NEMF: variants seen among roughly 807,000 people sequenced by gnomAD.
NEMF encodes nuclear export mediator factor.
NEMF carries 89 observed loss-of-function variants against 162.2 expected under a neutral mutation model. The ratio of observed to expected loss-of-function variants is 0.55; its 90% CI spans 0.46 to 0.65. The LOEUF is 0.65. Among genes scored for constraint, NEMF ranks in the 30% least tolerant of loss-of-function variants. The pLI is 0.00. For missense variants in NEMF, 1,133 were observed against 1,261.9 expected (o/e 0.90, Z 1.55); for synonymous variants, 421 against 404.5 (o/e 1.04, Z -0.49).
chr14:49,838,160 T>C lies in NEMF; in HGVS notation c.553A>G (p.Arg185Gly). The change falls in exon 6 of 33, where the codon AGG becomes GGG. Residue 185 changes from arginine to glycine, a missense_variant. This residue lies in a region of NEMF where 582 missense variants were observed against 631.5 expected (regional missense o/e 0.92). Coordinates refer to ENST00000298310, the MANE Select transcript of NEMF (RefSeq NM_004713.6). ...ASAPKGELLK[R>G]VLNPLLPYGP... Reference sequence around the variant, plus strand: ...TCACGAAGTAATGGGTTAAGCACCCTCTTCAGTAGTTCACCCTTAGGTGCG... The same window carrying C: ...TCACGAAGTAATGGGTTAAGCACCCCCTTCAGTAGTTCACCCTTAGGTGCG... 1 of 1,613,908 alleles carries C rather than the reference T, an allele frequency of 6.2e-7. No homozygotes were observed. Among genetic ancestry groups the C allele is most frequent in the Non-Finnish European group, 8.5e-7 (1 of 1,179,792 alleles).
chr14:49,783,042 T>C lies in NEMF; in HGVS notation c.*1594A>G, dbSNP rs772813838. The C allele has an allele frequency of 4.4e-6, 6 of 1,370,020 alleles. No individual in the cohort carries two copies. The highest frequency in any genetic ancestry group is 2.4e-5 in the East Asian group (1 of 41,962). 84.9% of individuals were successfully genotyped at this position (1,370,020 alleles called of 1,614,324 possible). On this transcript the variant is annotated 3_prime_UTR_variant, in exon 33 of 33. Coordinates refer to ENST00000298310, the MANE Select transcript of NEMF (RefSeq NM_004713.6). ...GGCATCATTTGTATAATTATATGCA[T>C]TGTTGTAGTTTGCACCTGTTGGTTT... is the stretch of plus-strand genomic sequence containing the variant.
rs749341570 is a variant in NEMF at position 49,829,410 on chromosome 14, T to C, written c.962A>G (p.Lys321Arg). The C allele has an allele frequency of 1.2e-6, 2 of 1,613,854 alleles. No individual in the cohort carries two copies. The highest frequency in any genetic ancestry group is 3.3e-5 in the Admixed American group (2 of 60,026). The change falls in exon 12 of 33, where the codon AAG (lysine) becomes AGG (arginine). Residue 321 changes from lysine (K) to arginine (R), a missense_variant. By Grantham distance (26) the Lys-to-Arg change is conservative (BLOSUM62 2). Around this residue, in one of 3 missense-constraint regions of NEMF, gnomAD observed 582 missense variants for 631.5 expected, o/e 0.92. Coordinates refer to ENST00000298310, the MANE Select transcript of NEMF (RefSeq NM_004713.6). ...ATCCTTTCGAACATTATCTAATTTC[T>C]TCAATGCTTGCTTTTCCTTTTATTG... The part of the protein sequence containing the change: ...KALQQEKQAL[K>R]KLDNVRKDHE...
chr14:49,830,495 A>C (rs2139971505), intron 11 of NEMF, among the ~76,000 whole-genome samples: 1 of 152,264 alleles, frequency 6.6e-6, no homozygotes, highest in Non-Finnish European at 1.5e-5. Flanking sequence ...CCAGGGTCAA[A>C]CAATTTTTGT....
chr14:49,799,382 C>A, intron 25 of NEMF, 93 bp downstream of exon 25: 1 of 1,061,954 alleles, frequency 9.4e-7, no homozygotes, highest in African/African-American at 1.6e-5. Flanking sequence ...TGAAGGAAGT[C>A]TTTAAACAGC....
At chr14:49,804,831 G>A (rs1891116738) in intron 19 of NEMF, among the ~76,000 whole-genome samples, 1 of 152,128 alleles carries the variant, frequency 6.6e-6, no homozygotes, top group South Asian at 2.1e-4. Flanking sequence ...AGGAGTTTGA[G>A]ACTGGCCTGG....
At position 49,784,112 on chromosome 14, in the gene NEMF, T is replaced by C. The variant is rs1160795220; in HGVS notation, c.*524A>G. 6.6e-6 allele frequency: 1 copy of C among 151,502 alleles called. No homozygotes were observed. The highest frequency in any genetic ancestry group is 1.5e-5 in the Non-Finnish European group (1 of 68,038). 9.4% of individuals were successfully genotyped at this position (151,502 alleles called of 1,614,324 possible). A position where few individuals can be genotyped will look rare whatever the true frequency, so the allele number is the denominator to read the frequency against. On this transcript the variant is annotated 3_prime_UTR_variant, in exon 33 of 33. Coordinates refer to ENST00000298310, the MANE Select transcript of NEMF (RefSeq NM_004713.6). ...AAAATGTAGAATAACTACAGATGTA[T>C]ATAATTAGCATTTAACTGTCCACAA...
intron 16 of NEMF, among the ~76,000 whole-genome samples, chr14:49,816,792 T>G (rs145796224): frequency 2.6e-5 from 4 of 152,210 alleles, no homozygotes. Flanking sequence ...CCCCTACTGA[T>G]AGTAAAGAGG....
chr14:49,811,426 AT>A (rs61609685), intron 18 of NEMF, among the ~76,000 whole-genome samples: 147,748 of 151,962 alleles, frequency 0.97, 71,980 homozygotes, highest in East Asian at 1. Context: ...CCTAATTTGG[AT>A]TTTTTTTTCT....
intron 6 of NEMF, 141 bp downstream of exon 6, chr14:49,837,996 TTC>T (rs1311119835): frequency 1.8e-6 from 1 of 550,056 alleles, no homozygotes; most frequent in Non-Finnish European, 3.1e-6. Context: ...GTGGTTTAAC[TTC>T]TCTTTCTTTG....
chr14:49,829,210 T>C lies in NEMF; in HGVS notation c.1076A>G (p.Asp359Gly). 1 of 1,614,206 alleles carries C rather than the reference T, an allele frequency of 6.2e-7. No homozygotes were observed. Among genetic ancestry groups the C allele is most frequent in the Non-Finnish European group, 8.5e-7 (1 of 1,180,034 alleles). The change falls in exon 13 of 33, where the codon GAC (aspartate) becomes GGC (glycine). Residue 359 changes from aspartate (D) to glycine (G), a missense_variant. Coordinates refer to ENST00000298310, the MANE Select transcript of NEMF (RefSeq NM_004713.6). ...ELIEMNLQIV[D>G]RAIQVVRSAL... ...ACTTCGAACTACCTGAATGGCTCTG[T>C]CAACTATTTGTAGGTTCATTTCTAT...
At chr14:49,851,240 A>T (rs1022417163) in intron 3 of NEMF, among the ~76,000 whole-genome samples, 1 of 152,164 alleles carries the variant, frequency 6.6e-6, no homozygotes, top group Non-Finnish European at 1.5e-5. Context: ...AAAAACAAAA[A>T]AATTAACGTT....
intron 4 of NEMF, among the ~76,000 whole-genome samples, chr14:49,843,699 A>G (rs551430798): frequency 9.1e-4 from 138 of 152,352 alleles, no homozygotes; most frequent in African/African-American, 2.9e-3. Flanking sequence ...AGGAATCTGT[A>G]TAGCATGTTA....
Position 49,784,595 on chromosome 14 carries a change from TA to T in NEMF, c.*40del. On this transcript the variant is annotated 3_prime_UTR_variant, in exon 33 of 33. Transcript: ENST00000298310. ...TCATCTTTGAACTTCCAAAAGGCTA[TA>T]AAATTGGCTCTTCTCAAATATTTTA... is the stretch of plus-strand genomic sequence containing the variant. 2 of 1,418,850 alleles carry T rather than the reference TA, an allele frequency of 1.4e-6. No homozygotes were observed. The highest frequency in any genetic ancestry group is 2.0e-6 in the Non-Finnish European group (2 of 1,011,710). The allele number at this position is 1,418,850 out of a possible 1,614,324, so 87.9% of individuals were successfully genotyped here. A position where few individuals can be genotyped will look rare whatever the true frequency, so the allele number is the denominator to read the frequency against.
intron 23 of NEMF, 24 bp downstream of exon 23, chr14:49,800,396 T>A (rs752391694): frequency 1.3e-6 from 2 of 1,523,968 alleles, no homozygotes; most frequent in Non-Finnish European, 1.8e-6. Flanking sequence ...CACAATAATA[T>A]GTAAAATTTT....
Position 49,806,116 on chromosome 14 carries a change from G to A in NEMF, c.1762C>T (p.Arg588Trp), listed in dbSNP as rs1891174987. Reference protein sequence around the residue: ...KNPTGEPIPPRTLTEAGTMAL... With the variant: ...KNPTGEPIPPWTLTEAGTMAL... ...ATTGTGCCAGCTTCAGTCAAGGTCC[G>A]TGGGGGGATGGGTTCTCCTAGAATA... is the stretch of plus-strand genomic sequence containing the variant. The change falls in exon 19 of 33, where the codon CGG becomes TGG. Residue 588 changes from arginine to tryptophan, a missense_variant. By Grantham distance (101) the Arg-to-Trp change is moderately radical. Coordinates refer to ENST00000298310, the MANE Select transcript of NEMF (RefSeq NM_004713.6). 7 of 1,611,376 alleles carry A rather than the reference G, an allele frequency of 4.3e-6. No homozygotes were observed. The highest frequency in any genetic ancestry group is 1.1e-5 in the South Asian group (1 of 90,956).
Position 49,784,515 on chromosome 14 carries a change from GC to G in NEMF, c.*120del, listed in dbSNP as rs558158053. ...GAAGTAAGTCCTTTTGGTGAATATA[GC>G]AAGGCAATGTTTAGTTCATTTTTAT... is the stretch of plus-strand genomic sequence containing the variant. On this transcript the variant is annotated 3_prime_UTR_variant, in exon 33 of 33. Coordinates refer to ENST00000298310, the MANE Select transcript of NEMF (RefSeq NM_004713.6). The G allele has an allele frequency of 3.9e-3, 2,605 of 673,738 alleles. 16 individuals are homozygous for G. The highest frequency in any genetic ancestry group is 5.3e-3 in the Non-Finnish European group (2,085 of 393,006). 41.7% of individuals were successfully genotyped at this position (673,738 alleles called of 1,614,324 possible). A position where few individuals can be genotyped will look rare whatever the true frequency, so the allele number is the denominator to read the frequency against.
chr14:49,800,848 G>GACA, intron 22 of NEMF, 152 bp from the exon 23 acceptor site: 1 of 661,598 alleles, frequency 1.5e-6, no homozygotes, highest in Admixed American at 2.9e-5. Context: ...GGTACTCTTA[G>GACA]ACAAAAGAAT....
At chr14:49,825,126 A>G (rs1892272680) in intron 16 of NEMF, among the ~76,000 whole-genome samples, 1 of 152,210 alleles carries the variant, frequency 6.6e-6, no homozygotes, top group Non-Finnish European at 1.5e-5. Context: ...GCAAGGAAGG[A>G]AAAAGAAAAC....
At chr14:49,822,955 GAGAA>G (rs1892156846) in intron 16 of NEMF, among the ~76,000 whole-genome samples, 1 of 112,636 alleles carries the variant, frequency 8.9e-6, no homozygotes, top group African/African-American at 3.3e-5. Flanking sequence ...TTTTTTTTTG[GAGAA>G]AGAGTCTTGC....
Sources: allele counts gnomAD v4.1 joint callset (sites outside exome capture counted in the v4.1 genomes callset), GRCh38; gene constraint gnomAD v4.1.1; regional missense constraint gnomAD v4.1.1; transcripts MANE v1.5; gene names NCBI Gene and HGNC (gene_info 2026-07-23, HGNC 2026-07-21).